The following OSBPL5 variants were observed in gnomAD, a reference collection of about 807,000 sequenced individuals.
The protein encoded by OSBPL5 is oxysterol-binding protein-related protein 5.
Under a neutral mutation model 111.2 loss-of-function variants are expected in OSBPL5, and 71 were observed. The ratio of observed to expected loss-of-function variants is 0.64; its 90% CI spans 0.53 to 0.78. The LOEUF is 0.78. OSBPL5 is among the 30% of genes least tolerant of loss of function. The probability of loss-of-function intolerance (pLI) is 0.00; values close to 1 mark genes in which losing one functional copy is unlikely to be tolerated. For synonymous variants in OSBPL5, 549 were observed against 513.9 expected, an observed-to-expected ratio of 1.07 and a Z score of -0.93; for missense variants, 1,210 against 1,189.3, an observed-to-expected ratio of 1.02 and a Z score of -0.26.
rs1279631001 is a variant in OSBPL5, at chr11:3,132,049, CCATT to C, written c.-21-2884_-21-2881del. ...TCCATCCATCCATCCATCCATCCAT[CCATT>C]CACCCACCTGCCACCCCTCTATCCC... On this transcript the variant is annotated intron_variant, in intron 1 of 21. Transcript: ENST00000263650. 1.1e-4 allele frequency among the ~76,000 whole-genome samples: 16 copies of C among 141,208 alleles called. No homozygotes were observed. The East Asian group carries it at 1.5e-3, about 13-fold the overall frequency. 92.6% of individuals were successfully genotyped at this position (141,208 alleles called of 152,430 possible). A position where few individuals can be genotyped will look rare whatever the true frequency, so the allele number is the denominator to read the frequency against.
At chr11:3,111,428 T>C (rs11826536) in intron 7 of OSBPL5, among the ~76,000 whole-genome samples, 15,475 of 152,152 alleles carry the variant, frequency 0.1, 878 homozygotes, top group South Asian at 0.17. Context: ...AGTAACTGAA[T>C]TGTGGTTTGT....
At chr11:3,136,897 G>A (rs1052199682) in intron 1 of OSBPL5, among the ~76,000 whole-genome samples, 3 of 152,252 alleles carry the variant, frequency 2.0e-5, no homozygotes, top group African/African-American at 4.8e-5. Flanking sequence ...CGGCACAGAT[G>A]CTTCTGCCTA....
At chr11:3,143,005 CAGAGGGGGGCAGA>C (rs1846179249) in intron 1 of OSBPL5, among the ~76,000 whole-genome samples, 4 of 77,144 alleles carry the variant, frequency 5.2e-5, no homozygotes, top group Non-Finnish European at 5.4e-5. Flanking sequence ...GAGGCAGGTG[CAGAGGGGGGCAGA>C]GGAGGCAGGT....
chr11:3,112,025 ATGTG>A (rs80227921), intron 7 of OSBPL5, among the ~76,000 whole-genome samples: 9,369 of 130,160 alleles, frequency 0.072, 406 homozygotes, highest in African/African-American at 0.13. Flanking sequence ...ATGTGTGTGC[ATGTG>A]TGTGTATGTG....
chr11:3,089,684 G>A (rs1319213214), intron 21 of OSBPL5, among the ~76,000 whole-genome samples, 162 bp downstream of exon 21: 1 of 152,142 alleles, frequency 6.6e-6, no homozygotes, highest in African/African-American at 2.4e-5. Flanking sequence ...TCCTGCCCTC[G>A]GCGGTTGTCT....
In OSBPL5 at chr11:3,117,355, G is replaced by A. The variant is rs772405418; in HGVS notation, c.691+2192C>T. The stretch of plus-strand genomic sequence containing the variant: ...CAAATTTATCTTGGAACCTCAAGAA[G>A]ATAATAATTCGCCCAACTTATAGGT... On this transcript the variant is annotated intron_variant, in intron 7 of 21. Transcript: ENST00000263650. 2.0e-5 allele frequency among the ~76,000 whole-genome samples: 3 copies of A among 152,198 alleles called. No individual in the cohort carries two copies. In the South Asian group the frequency reaches 6.2e-4, roughly 31 times the overall value.
intron 3 of OSBPL5, among the ~76,000 whole-genome samples, chr11:3,123,837 A>C (rs769444470): frequency 6.6e-6 from 1 of 152,200 alleles, no homozygotes; most frequent in South Asian, 2.1e-4. Context: ...TCCCTATTTT[A>C]TTTCTGTGCC....
chr11:3,155,690 C>T (rs1482542749), intron 1 of OSBPL5, among the ~76,000 whole-genome samples: 1 of 151,972 alleles, frequency 6.6e-6, no homozygotes, highest in Non-Finnish European at 1.5e-5. Flanking sequence ...AGCTTTGCCA[C>T]TCATGTCTGA....
chr11:3,143,006 AGAGGGGGGCAGAGGAGGCAGG>A (rs1846179646), intron 1 of OSBPL5, among the ~76,000 whole-genome samples: 1 of 71,224 alleles, frequency 1.4e-5, no homozygotes, highest in African/African-American at 5.1e-5. Context: ...AGGCAGGTGC[AGAGGGGGGCAGAGGAGGCAGG>A]TGCGGGGGGG....
intron 1 of OSBPL5, among the ~76,000 whole-genome samples, chr11:3,148,729 G>C (rs1490880782): frequency 6.6e-6 from 1 of 152,230 alleles, no homozygotes. Context: ...AATTTTGGAA[G>C]AGCCTTAAAG....
chr11:3,120,379 C>A, intron 6 of OSBPL5, 42 bp downstream of exon 6: 1 of 1,579,874 alleles, frequency 6.3e-7, no homozygotes, highest in Non-Finnish European at 8.6e-7. Context: ...AGCCCCTTGG[C>A]CCTACGGGGC....
chr11:3,103,747 C>G (rs1454109530), intron 10 of OSBPL5, among the ~76,000 whole-genome samples: 5 of 52,698 alleles, frequency 9.5e-5, no homozygotes, highest in African/African-American at 2.5e-4. Context: ...CCTCTGCAAC[C>G]CTCTTCCAGC....
At position 3,130,410 on chromosome 11, in the gene OSBPL5, G is replaced by A. The variant is rs1321278758; in HGVS notation, c.-21-1241C>T. 6.6e-6 allele frequency among the ~76,000 whole-genome samples: 1 copy of A among 152,236 alleles called. No individual in the cohort carries two copies. Among genetic ancestry groups the A allele is most frequent in the African/African-American group, 2.4e-5 (1 of 41,462 alleles). ...TCCCATGGTCCTGGGCTTTGCTGGG[G>A]GGGGCCTCAGACACACAGAGACTTT... On this transcript the variant is annotated intron_variant, in intron 1 of 21. Coordinates refer to ENST00000263650, the MANE Select transcript of OSBPL5 (RefSeq NM_020896.4). This position sits in a 1 kb window ranked among gnomAD's most constrained non-coding sequence, Gnocchi z 4.5.
At position 3,141,802 on chromosome 11, in the gene OSBPL5, C is replaced by T. The variant is rs965782360; in HGVS notation, c.-21-12633G>A. The stretch of plus-strand genomic sequence containing the variant: ...ACACCCACCCCCCACCCGCCTCCCA[C>T]CCAGTGCAGGGACTGGGAGGACTCT... On this transcript the variant is annotated intron_variant, in intron 1 of 21. Transcript: ENST00000263650. This position sits in a 1 kb window ranked among gnomAD's most constrained non-coding sequence, Gnocchi z 6.5. Among the ~76,000 whole-genome samples the T allele has an allele frequency of 1.4e-5, 2 of 143,874 alleles. No homozygotes were observed. Among genetic ancestry groups the T allele is most frequent in the African/African-American group, 2.5e-5 (1 of 39,970 alleles). 94.4% of individuals were successfully genotyped at this position (143,874 alleles called of 152,430 possible). A position where few individuals can be genotyped will look rare whatever the true frequency, so the allele number is the denominator to read the frequency against.
chr11:3,095,951 C>T (rs1447183005), intron 14 of OSBPL5, among the ~76,000 whole-genome samples: 2 of 151,980 alleles, frequency 1.3e-5, no homozygotes, highest in Admixed American at 6.6e-5. Flanking sequence ...CATTAAGCGT[C>T]GTGTTGAAAA....
At chr11:3,095,283 C>G (rs1564823411) in intron 14 of OSBPL5, among the ~76,000 whole-genome samples, 2 of 144,554 alleles carry the variant, frequency 1.4e-5, no homozygotes, top group Non-Finnish European at 3.0e-5. Context: ...TGCACTCTAG[C>G]CTGGGCAACA....
In OSBPL5 at chr11:3,107,381, G is replaced by C. The variant is rs373907092; in HGVS notation, c.941C>G (p.Thr314Ser). Residue 314 changes from threonine to serine, a missense_variant, in exon 9 of 22, where the codon ACC (threonine) becomes AGC (serine). Coordinates refer to ENST00000263650, the MANE Select transcript of OSBPL5 (RefSeq NM_020896.4). This position sits in a 1 kb window ranked among gnomAD's most constrained non-coding sequence, Gnocchi z 6.1. Reference sequence around the variant, plus strand: ...CTTCCGGCTATGGTCCTGGGTCTCGGTATCTGACTCCTCAGGGTTCTCTCT... The same window carrying C: ...CTTCCGGCTATGGTCCTGGGTCTCGCTATCTGACTCCTCAGGGTTCTCTCT... ...SERENPEESDTETQDHSRKTE... is the reference protein window; with the variant it reads ...SERENPEESDSETQDHSRKTE... The C allele has an allele frequency of 5.6e-6, 9 of 1,613,922 alleles. No homozygotes were observed. The highest frequency in any genetic ancestry group is 7.6e-6 in the Non-Finnish European group (9 of 1,180,016).
In OSBPL5 at chr11:3,092,875, T is replaced by G; in HGVS notation, c.2124A>C (p.Arg708=). ...GCTTTGTCGGCACTCACTCCTCGTATCGGTAGTGCCACTCCTGGGTGATGG... is the reference window on the plus strand; with the variant it reads ...GCTTTGTCGGCACTCACTCCTCGTAGCGGTAGTGCCACTCCTGGGTGATGG... ...LDPITQEWHY[R]YEDHSPWDPL... Residue 708 remains arginine (R), a synonymous_variant, in exon 18 of 22, where the codon CGA becomes CGC. Transcript: ENST00000263650. The surrounding 1 kb of genome is among the most constrained non-coding windows in gnomAD (Gnocchi z 5.4). The G allele has an allele frequency of 6.5e-7, 1 of 1,542,392 alleles. No homozygotes were observed. The highest frequency in any genetic ancestry group is 8.8e-7 in the Non-Finnish European group (1 of 1,140,150).
chr11:3,088,312 G>A lies in OSBPL5; in HGVS notation c.2533C>T (p.Arg845Trp), dbSNP rs150730024. The A allele has an allele frequency of 1.1e-5, 18 of 1,598,446 alleles. No homozygotes were observed. Among genetic ancestry groups the A allele is most frequent in the Middle Eastern group, 1.8e-4 (1 of 5,498 alleles). ...HLSAMLSSTA[R>W]AAQAPTPGLL... Reference sequence around the variant, plus strand: ...CCTGGGGTCGGTGCCTGTGCTGCCCGTGCCGTGGAGCTCAGCATGGCCGAG... The same window carrying A: ...CCTGGGGTCGGTGCCTGTGCTGCCCATGCCGTGGAGCTCAGCATGGCCGAG... The change falls in exon 22 of 22, where the codon CGG (arginine) becomes TGG (tryptophan). Residue 845 changes from arginine (R) to tryptophan (W), a missense_variant. By Grantham distance (101) the Arg-to-Trp change is moderately radical (BLOSUM62 -3). Coordinates refer to ENST00000263650, the MANE Select transcript of OSBPL5 (RefSeq NM_020896.4).
Sources: gnomAD v4.1 joint callset for allele counts (sites outside exome capture counted in the v4.1 genomes callset) on GRCh38, gnomAD v4.1.1 for gene constraint, Gnocchi (gnomAD v3.1) non-coding constraint, MANE v1.5 for transcripts, NCBI Gene and HGNC (gene_info 2026-07-23, HGNC 2026-07-21) for gene names.